The following ABLIM3 variants were observed in gnomAD, a reference collection of about 807,000 sequenced individuals.
ABLIM3 encodes actin-binding LIM protein 3.
Under a neutral mutation model 109.5 loss-of-function variants are expected in ABLIM3, and 61 were observed. The observed-to-expected ratio is 0.56, with a 90% CI of 0.45 to 0.69. ABLIM3 has a LOEUF of 0.69. Ranked by LOEUF, ABLIM3 falls within the 30% of genes least tolerant of loss-of-function variation. ABLIM3 has a pLI of 0.00. For synonymous variants in ABLIM3, 300 were observed against 324.8 expected, an observed-to-expected ratio of 0.92 and a Z score of 0.82; for missense variants, 796 against 889.5, an observed-to-expected ratio of 0.89 and a Z score of 1.34.
At chr5:149,234,959 G>A (rs1421670107) in intron 10 of ABLIM3, among the ~76,000 whole-genome samples, 1 of 152,186 alleles carries the variant, frequency 6.6e-6, no homozygotes, top group African/African-American at 2.4e-5. Flanking sequence ...TGGAGTCCTG[G>A]AGAAAGATTC....
Position 149,259,874 on chromosome 5 carries a change from C to T in ABLIM3, c.*1470C>T, listed in dbSNP as rs1754756299. ...AGAACTGACTTAAATTGAACAAACCCTCACTGAGCACCTCTGATGTTGAGC... is the reference window on the plus strand; with the variant it reads ...AGAACTGACTTAAATTGAACAAACCTTCACTGAGCACCTCTGATGTTGAGC... On this transcript the variant is annotated 3_prime_UTR_variant, in exon 24 of 24. Coordinates refer to ENST00000309868, the MANE Select transcript of ABLIM3 (RefSeq NM_014945.5). 1.1e-5 allele frequency: 5 copies of T among 447,084 alleles called. No individual in the cohort carries two copies. The highest frequency in any genetic ancestry group is 8.2e-6 in the Non-Finnish European group (2 of 243,462). 27.7% of individuals were successfully genotyped at this position (447,084 alleles called of 1,614,324 possible).
At chr5:149,217,368 A>G (rs917767904) in intron 8 of ABLIM3, 4 of 383,114 alleles carry the variant, frequency 1.0e-5, no homozygotes, top group African/African-American at 4.1e-5. Context: ...CACAGGCCCA[A>G]GGGGTCAGAG....
chr5:149,216,902 C>T lies in ABLIM3; in HGVS notation c.670-57C>T, dbSNP rs148475992. The T allele has an allele frequency of 4.8e-5, 70 of 1,466,976 alleles. 1 individual carries two copies. Among genetic ancestry groups the T allele is most frequent in the Middle Eastern group, 1.8e-4 (1 of 5,482 alleles). 90.9% of individuals were successfully genotyped at this position (1,466,976 alleles called of 1,614,324 possible). On this transcript the variant is annotated intron_variant, in intron 7 of 23. Coordinates refer to ENST00000309868, the MANE Select transcript of ABLIM3 (RefSeq NM_014945.5). The stretch of plus-strand genomic sequence containing the variant: ...CCAGGAAAGATTCAAACCCAATCTG[C>T]CCCACTAGACAGCAGCCCTGGCTCT...
intron 3 of ABLIM3, among the ~76,000 whole-genome samples, chr5:149,196,515 C>T (rs1757992506): frequency 2.0e-5 from 3 of 152,166 alleles, no homozygotes; most frequent in Non-Finnish European, 4.4e-5. Context: ...GAGGTGTGAC[C>T]TTGAGTTGGA....
At chr5:149,235,467 G>A (rs1332367426) in intron 10 of ABLIM3, among the ~76,000 whole-genome samples, 1 of 152,132 alleles carries the variant, frequency 6.6e-6, no homozygotes, top group East Asian at 1.9e-4. Flanking sequence ...CTTCCTTCCT[G>A]GCTAATTATG....
intron 17 of ABLIM3, 54 bp downstream of exon 17, chr5:149,246,600 G>T (rs1174678566): frequency 6.4e-7 from 1 of 1,555,146 alleles, no homozygotes; most frequent in Non-Finnish European, 8.7e-7. Flanking sequence ...ATCACTGAGG[G>T]TCTTTTCATT....
rs142300607 is a variant in ABLIM3, at chr5:149,243,124, C to G, written c.1351+586C>G. 2.9e-3 allele frequency among the ~76,000 whole-genome samples: 441 copies of G among 152,296 alleles called. 2 individuals carry two copies. Among genetic ancestry groups the G allele is most frequent in the Non-Finnish European group, 5.5e-3 (371 of 68,016 alleles). On this transcript the variant is annotated intron_variant, in intron 15 of 23. Transcript: ENST00000309868. ...TCATTCATTCATTGATTTAGTGTTT[C>G]TTAAAGAATGATCTATGGACCATCT...
chr5:149,226,758 C>G (rs1442902270), intron 8 of ABLIM3, among the ~76,000 whole-genome samples: 1 of 152,118 alleles, frequency 6.6e-6, no homozygotes, highest in Non-Finnish European at 1.5e-5. Context: ...GATACCAACT[C>G]CAGCTTTGGC....
chr5:149,186,463 T>G (rs1407138900), intron 3 of ABLIM3, among the ~76,000 whole-genome samples: 1 of 152,080 alleles, frequency 6.6e-6, no homozygotes, highest in Non-Finnish European at 1.5e-5. Flanking sequence ...CTGTCCATAA[T>G]CCACCCTTTA....
At chr5:149,147,069 TTC>T (rs200724498) in intron 2 of ABLIM3, among the ~76,000 whole-genome samples, 100 of 147,874 alleles carry the variant, frequency 6.8e-4, no homozygotes, top group Admixed American at 1.1e-3. Context: ...CTCTCTCTCT[TTC>T]TCTCTCTCTC....
intron 2 of ABLIM3, among the ~76,000 whole-genome samples, chr5:149,154,564 T>A (rs1561535321): frequency 6.6e-6 from 1 of 152,222 alleles, no homozygotes; most frequent in Non-Finnish European, 1.5e-5. Flanking sequence ...ATGTTTTACA[T>A]CTATTATTTT....
chr5:149,206,279 G>A (rs1476220528), intron 5 of ABLIM3, among the ~76,000 whole-genome samples: 2 of 152,172 alleles, frequency 1.3e-5, no homozygotes, highest in Non-Finnish European at 2.9e-5. Flanking sequence ...TTCTGGTTTG[G>A]GACAGTCTCA....
chr5:149,252,298 T>C, intron 22 of ABLIM3, 90 bp downstream of exon 22: 2 of 1,459,616 alleles, frequency 1.4e-6, no homozygotes, highest in Non-Finnish European at 9.4e-7. Context: ...ACTGTCTATG[T>C]AGGGAAGGGA....
chr5:149,239,889 G>A lies in ABLIM3; in HGVS notation c.1204+1G>A, dbSNP rs769184681. 1.8e-5 allele frequency: 29 copies of A among 1,602,642 alleles called. No homozygotes were observed. The highest frequency in any genetic ancestry group is 2.4e-5 in the Non-Finnish European group (28 of 1,174,350). ...TCACCTCACCACTACTACCGCTCTG[G>A]TAAGGAAGGGGGAGGACCTGAAGGG... On this transcript the variant is annotated splice_donor_variant, in intron 13 of 23. Transcript: ENST00000309868. LOFTEE classifies it high-confidence loss of function.
chr5:149,198,505 C>A lies in ABLIM3; in HGVS notation c.335+103C>A. The A allele has an allele frequency of 7.3e-7, 1 of 1,374,994 alleles. No individual in the cohort carries two copies. Among genetic ancestry groups the A allele is most frequent in the Non-Finnish European group, 9.7e-7 (1 of 1,032,456 alleles). 85.2% of individuals were successfully genotyped at this position (1,374,994 alleles called of 1,614,324 possible). A position where few individuals can be genotyped will look rare whatever the true frequency, so the allele number is the denominator to read the frequency against. On this transcript the variant is annotated intron_variant, in intron 4 of 23. Coordinates refer to ENST00000309868, the MANE Select transcript of ABLIM3 (RefSeq NM_014945.5). This position sits in a 1 kb window ranked among gnomAD's most constrained non-coding sequence, Gnocchi z 4.2. ...AGTTCTGGGGTTTACAAGGTTTGTG[C>A]TGCACATTTAGATTTCTGGAACCTC...
intron 7 of ABLIM3, among the ~76,000 whole-genome samples, chr5:149,215,383 C>T (rs762699277): frequency 9.2e-5 from 14 of 151,874 alleles, no homozygotes; most frequent in South Asian, 2.1e-4. Flanking sequence ...TATAAACAAA[C>T]GGGGGGAAAA....
intron 2 of ABLIM3, among the ~76,000 whole-genome samples, chr5:149,162,258 C>T (rs1365186512): frequency 6.6e-6 from 1 of 152,194 alleles, no homozygotes; most frequent in East Asian, 1.9e-4. Context: ...TAATACAACT[C>T]GACACAGAAA....
At chr5:149,152,767 A>G (rs1753552223) in intron 2 of ABLIM3, among the ~76,000 whole-genome samples, 1 of 152,134 alleles carries the variant, frequency 6.6e-6, no homozygotes, top group African/African-American at 2.4e-5. Flanking sequence ...TGAGCTCTGT[A>G]TGGGTTGGGT....
At chr5:149,152,917 T>C (rs1162345408) in intron 2 of ABLIM3, among the ~76,000 whole-genome samples, 1 of 152,088 alleles carries the variant, frequency 6.6e-6, no homozygotes, top group Admixed American at 6.6e-5. Flanking sequence ...TAATTTCTTC[T>C]GTTTAGGGCA....
Sources: gnomAD v4.1 joint callset for allele counts (sites outside exome capture counted in the v4.1 genomes callset) on GRCh38, gnomAD v4.1.1 for gene constraint, Gnocchi (gnomAD v3.1) non-coding constraint, MANE v1.5 for transcripts, NCBI Gene and HGNC (gene_info 2026-07-23, HGNC 2026-07-21) for gene names.